FKBP9: variants seen among roughly 807,000 people sequenced by gnomAD.
The protein encoded by FKBP9 is FKBP prolyl isomerase 9.
Under a neutral mutation model 55.6 loss-of-function variants are expected in FKBP9, and 27 were observed. The observed-to-expected ratio is 0.49, with a 90% CI of 0.36 to 0.67. The LOEUF (loss-of-function observed/expected upper bound fraction) is 0.67, where lower values mean the gene tolerates loss of function less well. Among genes scored for constraint, FKBP9 ranks in the 30% least tolerant of loss-of-function variants. The probability of loss-of-function intolerance (pLI) is 0.00; values close to 1 mark genes in which losing one functional copy is unlikely to be tolerated. For synonymous variants in FKBP9, 267 were observed against 296.5 expected (o/e 0.90, Z 1.02); for missense variants, 539 against 742.8 (o/e 0.73, Z 3.19).
chr7:32,987,928 C>G (rs2127985555), intron 5 of FKBP9, among the ~76,000 whole-genome samples: 1 of 152,172 alleles, frequency 6.6e-6, no homozygotes, highest in South Asian at 2.1e-4. Flanking sequence ...ACCTGTCAAC[C>G]CAGCACTTTG....
intron 5 of FKBP9, among the ~76,000 whole-genome samples, chr7:32,988,102 C>T (rs1176216143): frequency 2.6e-5 from 4 of 152,020 alleles, no homozygotes; most frequent in African/African-American, 2.4e-5. Flanking sequence ...ATTGCTTGAG[C>T]CTGGGAGGTT....
chr7:32,994,324 C>T (rs1280860115), intron 6 of FKBP9, among the ~76,000 whole-genome samples: 1 of 152,224 alleles, frequency 6.6e-6, no homozygotes, highest in African/African-American at 2.4e-5. Context: ...TGGATGTTTC[C>T]ATATCCCTGG....
At chr7:32,987,085 A>G (rs1025156151) in intron 5 of FKBP9, among the ~76,000 whole-genome samples, 17 of 152,106 alleles carry the variant, frequency 1.1e-4, no homozygotes, top group Admixed American at 1.1e-3. Flanking sequence ...GGAAAACCCA[A>G]GTATTCACCA....
At chr7:32,980,767 T>C (rs1397976032) in intron 5 of FKBP9, among the ~76,000 whole-genome samples, 2 of 152,074 alleles carry the variant, frequency 1.3e-5, no homozygotes, top group African/African-American at 4.8e-5. Context: ...TCTCGTTCTG[T>C]CATCCAGTGT....
intron 1 of FKBP9, among the ~76,000 whole-genome samples, chr7:32,972,780 T>C (rs1784278505): frequency 6.6e-6 from 1 of 152,178 alleles, no homozygotes; most frequent in South Asian, 2.1e-4. Context: ...GACAGTGCAG[T>C]GGCACCATCT....
intron 4 of FKBP9, chr7:32,979,540 T>C: frequency 1.3e-6 from 2 of 1,550,598 alleles, no homozygotes; most frequent in Non-Finnish European, 1.7e-6. Context: ...GCATCTGGTT[T>C]GCTTGTCTGG....
chr7:32,971,701 A>T (rs1784258058), intron 1 of FKBP9, among the ~76,000 whole-genome samples: 1 of 152,194 alleles, frequency 6.6e-6, no homozygotes, highest in Non-Finnish European at 1.5e-5. Context: ...AAGCTGGGCA[A>T]CAACTGTTTC....
At chr7:32,982,356 A>C (rs894458389) in intron 5 of FKBP9, among the ~76,000 whole-genome samples, 1 of 152,162 alleles carries the variant, frequency 6.6e-6, no homozygotes, top group African/African-American at 2.4e-5. Context: ...AGTATAAGCA[A>C]ACACAAATGT....
intron 4 of FKBP9, among the ~76,000 whole-genome samples, chr7:32,977,890 T>TATATATATATATATATATAC (rs1473389643): frequency 2.9e-5 from 4 of 139,340 alleles, no homozygotes; most frequent in African/African-American, 1.1e-4. Flanking sequence ...TATGTATATA[T>TATATATATATATATATATAC]ACACTCATAT....
At chr7:32,986,269 T>C (rs1384375493) in intron 5 of FKBP9, among the ~76,000 whole-genome samples, 1 of 152,210 alleles carries the variant, frequency 6.6e-6, no homozygotes, top group East Asian at 1.9e-4. Context: ...ATGGAATCTT[T>C]GCAACTATTC....
intron 5 of FKBP9, among the ~76,000 whole-genome samples, chr7:32,982,438 G>A (rs1420809734): frequency 6.6e-6 from 1 of 152,142 alleles, no homozygotes; most frequent in African/African-American, 2.4e-5. Flanking sequence ...TGTTCTCCTT[G>A]ATTTTTGTTA....
At chr7:32,964,171 C>T (rs4723227) in intron 1 of FKBP9, among the ~76,000 whole-genome samples, 32,267 of 152,092 alleles carry the variant, frequency 0.21, 3,753 homozygotes, top group Admixed American at 0.35. Context: ...TGCGTTTCTG[C>T]TAACTAGGGG....
intron 5 of FKBP9, among the ~76,000 whole-genome samples, chr7:32,988,197 A>G (rs1307174573): frequency 6.6e-6 from 1 of 152,176 alleles, no homozygotes; most frequent in Non-Finnish European, 1.5e-5. Flanking sequence ...AAAAGAAAGT[A>G]TAGTGTTCAA....
chr7:33,005,112 G>C, intron 9 of FKBP9, 63 bp from the exon 10 acceptor site: 1 of 1,577,248 alleles, frequency 6.3e-7, no homozygotes, highest in South Asian at 1.2e-5. Flanking sequence ...CTCTGTTTCT[G>C]GCCCCAGGCC....
chr7:32,978,399 C>T (rs551209102), intron 4 of FKBP9, among the ~76,000 whole-genome samples: 1 of 152,232 alleles, frequency 6.6e-6, no homozygotes, highest in African/African-American at 2.4e-5. Flanking sequence ...GACAGGGTCT[C>T]ACTCTGTCAC....
intron 6 of FKBP9, among the ~76,000 whole-genome samples, chr7:32,989,719 A>G (rs754713956): frequency 6.6e-5 from 10 of 152,178 alleles, no homozygotes; most frequent in Non-Finnish European, 1.0e-4. Flanking sequence ...ATGCCATGCC[A>G]GAAACAAATA....
At chr7:32,964,098 T>C (rs1437179439) in intron 1 of FKBP9, among the ~76,000 whole-genome samples, 2 of 152,132 alleles carry the variant, frequency 1.3e-5, no homozygotes, top group Admixed American at 6.5e-5. Context: ...GACTGCACAT[T>C]GCAGCTCTTT....
chr7:32,965,867 A>G (rs1159814235), intron 1 of FKBP9, among the ~76,000 whole-genome samples: 1 of 41,976 alleles, frequency 2.4e-5, no homozygotes, highest in Non-Finnish European at 4.9e-5. Flanking sequence ...ATATATATAT[A>G]CATACATATA....
intron 1 of FKBP9, among the ~76,000 whole-genome samples, chr7:32,964,027 C>T (rs970732061): frequency 3.8e-4 from 58 of 152,180 alleles, no homozygotes; most frequent in African/African-American, 1.2e-3. Context: ...CTGACAGGGT[C>T]AGTGGTGTCA....
Sources: allele counts gnomAD v4.1 joint callset (sites outside exome capture counted in the v4.1 genomes callset), GRCh38; gene constraint gnomAD v4.1.1; transcripts MANE v1.5; gene names NCBI Gene and HGNC (gene_info 2026-07-23, HGNC 2026-07-21).